The following ASS1 variants were observed in gnomAD, a reference collection of about 807,000 sequenced individuals.
ASS1 encodes argininosuccinate synthase.
A neutral mutation model predicts 60.5 loss-of-function variants in ASS1; 58 were observed. The observed-to-expected ratio is 0.96, with a 90% confidence interval of 0.78 to 1.19. The LOEUF is 1.19. Among genes scored for constraint, ASS1 ranks in the 50% most tolerant of loss-of-function variants. The pLI is 0.00. For missense variants in ASS1, 454 were observed against 547.3 expected (o/e 0.83, Z 1.70); for synonymous variants, 200 against 206.9 (o/e 0.97, Z 0.29).
rs763817750 is a variant in ASS1, at chr9:130,458,543, C to G, written c.317C>G (p.Ala106Gly). 3 of 1,613,252 alleles carry G rather than the reference C, an allele frequency of 1.9e-6. No homozygotes were observed. The highest frequency in any genetic ancestry group is 1.7e-6 in the Non-Finnish European group (2 of 1,179,892). ...ATCGCCCGCAAACAAGTGGAAATCG[C>G]CCAGCGGGAGGGGGCCAAGTATGTG... The part of the protein sequence containing the change: ...PCIARKQVEI[A>G]QREGAKYVSH... Residue 106 changes from alanine to glycine, a missense_variant, in exon 4 of 15, where the codon GCC becomes GGC. Ala to Gly is a moderately conservative substitution (Grantham distance 60). Coordinates refer to ENST00000352480, the MANE Select transcript of ASS1 (RefSeq NM_054012.4).
At position 130,454,097 on chromosome 9, in the gene ASS1, C is replaced by CA. The variant is rs1350139868; in HGVS notation, c.106-207dup. Reference sequence around the variant, plus strand: ...ACCCATGGAAGCCACCAGCCATCACCACGCTACAATCCAGCTCCCAATCTC... The same window carrying CA: ...ACCCATGGAAGCCACCAGCCATCACCAACGCTACAATCCAGCTCCCAATCTC... On this transcript the variant is annotated intron_variant, in intron 2 of 14. Transcript: ENST00000352480. Among the ~76,000 whole-genome samples, 9 of 152,346 alleles carry CA rather than the reference C, an allele frequency of 5.9e-5. No individual in the cohort carries two copies. The East Asian group carries it at 1.7e-3, about 29-fold the overall frequency.
chr9:130,445,559 G>T (rs1845176423), intron 1 of ASS1, among the ~76,000 whole-genome samples: 1 of 152,176 alleles, frequency 6.6e-6, no homozygotes. Flanking sequence ...CCCTGCAGGG[G>T]GCGGCAGCCA....
chr9:130,476,833 G>T lies in ASS1; in HGVS notation c.598-38G>T, dbSNP rs544125668. ...GTGGGCTGTAGGGTGTCCAGGGACT[G>T]GTATGTCATCTGCCCACCACTTTCT... On this transcript the variant is annotated intron_variant, in intron 8 of 14. Coordinates refer to ENST00000352480, the MANE Select transcript of ASS1 (RefSeq NM_054012.4). The surrounding 1 kb of genome is among the most constrained non-coding windows in gnomAD (Gnocchi z 4.9). The T allele has an allele frequency of 6.4e-7, 1 of 1,568,462 alleles. No individual in the cohort carries two copies. Among genetic ancestry groups the T allele is most frequent in the South Asian group, 1.1e-5 (1 of 90,104 alleles).
chr9:130,457,406 G>A (rs1588475033), intron 3 of ASS1, among the ~76,000 whole-genome samples: 1 of 152,056 alleles, frequency 6.6e-6, no homozygotes, highest in Non-Finnish European at 1.5e-5. Flanking sequence ...AGGAGGTTGA[G>A]GCTGCAGTGA....
chr9:130,448,956 T>A (rs551124378), intron 1 of ASS1, among the ~76,000 whole-genome samples: 3 of 152,294 alleles, frequency 2.0e-5, no homozygotes, highest in South Asian at 2.1e-4. Context: ...ACTAGTAGCA[T>A]TGTTCTAAGT....
At chr9:130,480,358 A>T in intron 10 of ASS1, 27 bp from the exon 11 acceptor site, 1 of 1,614,096 alleles carries the variant, frequency 6.2e-7, no homozygotes, top group Non-Finnish European at 8.5e-7. Flanking sequence ...GTAGCGCCCG[A>T]ACCTAATGGA....
chr9:130,479,423 T>C (rs1431093403), intron 9 of ASS1, among the ~76,000 whole-genome samples: 1 of 152,050 alleles, frequency 6.6e-6, no homozygotes, highest in African/African-American at 2.4e-5. Context: ...TTCAATTAGT[T>C]CAGGGCCTGG....
intron 10 of ASS1, among the ~76,000 whole-genome samples, chr9:130,480,114 C>T (rs756199661): frequency 4.1e-4 from 63 of 152,216 alleles, no homozygotes; most frequent in Non-Finnish European, 7.2e-4. Flanking sequence ...TTAGCTGTGG[C>T]GCTAGGCAGG....
At position 130,501,243 on chromosome 9, in the gene ASS1, C is replaced by T. The variant is rs1846748864; in HGVS notation, c.*222C>T. On this transcript the variant is annotated 3_prime_UTR_variant, in exon 15 of 15. Transcript: ENST00000352480. Reference sequence around the variant, plus strand: ...CTGCGGTGGGGAGCTATAAAAATGACAATTAAAAGAGACACTAGTCTTTTA... The same window carrying T: ...CTGCGGTGGGGAGCTATAAAAATGATAATTAAAAGAGACACTAGTCTTTTA... 5.4e-6 allele frequency: 3 copies of T among 552,112 alleles called. No homozygotes were observed. Among genetic ancestry groups the T allele is most frequent in the Non-Finnish European group, 9.7e-6 (3 of 308,746 alleles). The allele number at this position is 552,112 out of a possible 1,614,324, so 34.2% of individuals were successfully genotyped here. A position where few individuals can be genotyped will look rare whatever the true frequency, so the allele number is the denominator to read the frequency against.
Position 130,489,816 on chromosome 9 carries a change from C to T in ASS1, c.970+352C>T, listed in dbSNP as rs1468740649. ...CATGCATCACCCCGCATGGTCCTCA[C>T]AACTTTCCCAGGAGGTCTGCAGCTC... On this transcript the variant is annotated intron_variant, in intron 12 of 14. Coordinates refer to ENST00000352480, the MANE Select transcript of ASS1 (RefSeq NM_054012.4). This position sits in a 1 kb window ranked among gnomAD's most constrained non-coding sequence, Gnocchi z 4.1. Among the ~76,000 whole-genome samples the T allele has an allele frequency of 6.6e-6, 1 of 152,236 alleles. No individual in the cohort carries two copies. The highest frequency in any genetic ancestry group is 1.5e-5 in the Non-Finnish European group (1 of 68,028).
rs927566830 is a variant in ASS1, at chr9:130,447,553, C to T, written c.-6+2558C>T. On this transcript the variant is annotated intron_variant, in intron 1 of 14. Coordinates refer to ENST00000352480, the MANE Select transcript of ASS1 (RefSeq NM_054012.4). Reference sequence around the variant, plus strand: ...AAGCCAGGTGGCTCTGGTACCTTGACGCGAGGCCACCTTCCCTCCTCCCAG... The same window carrying T: ...AAGCCAGGTGGCTCTGGTACCTTGATGCGAGGCCACCTTCCCTCCTCCCAG... 4.6e-5 allele frequency among the ~76,000 whole-genome samples: 7 copies of T among 152,228 alleles called. 1 individual carries two copies. The highest frequency in any genetic ancestry group is 1.7e-4 in the African/African-American group (7 of 41,458).
intron 10 of ASS1, 87 bp from the exon 11 acceptor site, chr9:130,480,298 T>TGGGTGG (rs1846135785): frequency 1.4e-6 from 2 of 1,443,780 alleles, no homozygotes; most frequent in East Asian, 4.5e-5. Context: ...TGGCCTAAGC[T>TGGGTGG]GTGCCCACCC....
intron 3 of ASS1, among the ~76,000 whole-genome samples, chr9:130,456,982 T>G (rs1845464114): frequency 6.6e-6 from 1 of 152,182 alleles, no homozygotes; most frequent in Non-Finnish European, 1.5e-5. Context: ...TGTTGATATT[T>G]ATCACATTAG....
rs1017243278 is a variant in ASS1, at chr9:130,488,440, GGGGCCTGGGCTGT to G, written c.839-891_839-879del. On this transcript the variant is annotated intron_variant, in intron 11 of 14. Transcript: ENST00000352480. The surrounding 1 kb of genome is among the most constrained non-coding windows in gnomAD (Gnocchi z 5.2). ...AGAGGTCGCACTCCTGGGGCAAGAG[GGGGCCTGGGCTGT>G]GTGCTGTGGGCGGTCCTGCCTCTTG... Among the ~76,000 whole-genome samples, 1 of 152,238 alleles carries G rather than the reference GGGGCCTGGGCTGT, an allele frequency of 6.6e-6. No individual in the cohort carries two copies. The highest frequency in any genetic ancestry group is 1.5e-5 in the Non-Finnish European group (1 of 68,038).
At chr9:130,472,866 G>T (rs959468104) in intron 8 of ASS1, among the ~76,000 whole-genome samples, 1 of 152,200 alleles carries the variant, frequency 6.6e-6, no homozygotes, top group South Asian at 2.1e-4. Context: ...ACCACTCCCG[G>T]CCATTCTCCA....
chr9:130,495,105 G>A lies in ASS1; in HGVS notation c.1127+82G>A, dbSNP rs1029917895. The A allele has an allele frequency of 6.6e-6, 10 of 1,504,352 alleles. No homozygotes were observed. In the Admixed American group the frequency reaches 1.2e-4, roughly 18 times the overall value. The allele number at this position is 1,504,352 out of a possible 1,614,324, so 93.2% of individuals were successfully genotyped here. A position where few individuals can be genotyped will look rare whatever the true frequency, so the allele number is the denominator to read the frequency against. ...CTGGATCCTCAAGACATCTGTGCCT[G>A]AGCACATGTCAGGCACCATGCAGAG... On this transcript the variant is annotated intron_variant, in intron 13 of 14. Coordinates refer to ENST00000352480, the MANE Select transcript of ASS1 (RefSeq NM_054012.4).
At chr9:130,485,563 G>A (rs1299832265) in intron 11 of ASS1, among the ~76,000 whole-genome samples, 1 of 152,150 alleles carries the variant, frequency 6.6e-6, no homozygotes, top group Non-Finnish European at 1.5e-5. Context: ...GGCGGGCCTG[G>A]GTGTCTAGGA....
intron 6 of ASS1, among the ~76,000 whole-genome samples, chr9:130,467,182 C>T (rs772455968): frequency 3.3e-5 from 5 of 151,908 alleles, no homozygotes; most frequent in Admixed American, 1.3e-4. Context: ...GATGGCCGGC[C>T]GGGGGGATGT....
chr9:130,500,829 G>A lies in ASS1; in HGVS notation c.1194-147G>A, dbSNP rs541878288. On this transcript the variant is annotated intron_variant, in intron 14 of 14. Transcript: ENST00000352480. ...ATTGGAGGGCAGGAGGGGCCAGGGC[G>A]GGAGAGGGAATAGAAAAAAAGGCAA... The A allele has an allele frequency of 2.3e-4, 173 of 738,490 alleles. 1 individual carries two copies. Among genetic ancestry groups the A allele is most frequent in the Admixed American group, 1.1e-3 (53 of 48,988 alleles). The allele number at this position is 738,490 out of a possible 1,614,324, so 45.7% of individuals were successfully genotyped here. A position where few individuals can be genotyped will look rare whatever the true frequency, so the allele number is the denominator to read the frequency against.
Sources: gnomAD v4.1 joint callset for allele counts (sites outside exome capture counted in the v4.1 genomes callset) on GRCh38, gnomAD v4.1.1 for gene constraint, Gnocchi (gnomAD v3.1) non-coding constraint, MANE v1.5 for transcripts, NCBI Gene and HGNC (gene_info 2026-07-23, HGNC 2026-07-21) for gene names.